The following C1orf50 variants were observed in gnomAD, a reference collection of about 807,000 sequenced individuals.
C1orf50 encodes chromosome 1 open reading frame 50, also known as uncharacterized protein C1orf50.
Under a neutral mutation model 23.3 loss-of-function variants are expected in C1orf50, and 22 were observed. The ratio of observed to expected loss-of-function variants is 0.94; its 90% CI spans 0.67 to 1.35. The LOEUF (loss-of-function observed/expected upper bound fraction) is 1.35. Among genes scored for constraint, C1orf50 ranks in the 40% most tolerant of loss-of-function variants. The pLI, the probability that C1orf50 is intolerant of heterozygous loss-of-function variation, is 0.00. For missense variants in C1orf50, 271 were observed against 249.4 expected (o/e 1.09, Z -0.58); for synonymous variants, 96 against 102.4 (o/e 0.94, Z 0.38).
chr1:42,768,631 C>A (rs1389716002), intron 2 of C1orf50, among the ~76,000 whole-genome samples: 3 of 151,358 alleles, frequency 2.0e-5, no homozygotes, highest in Non-Finnish European at 4.4e-5. Context: ...TGGCTTTCTT[C>A]TTTTTGAAGA....
intron 3 of C1orf50, among the ~76,000 whole-genome samples, 174 bp from the exon 4 acceptor site, chr1:42,774,563 G>T (rs1653294243): frequency 1.3e-5 from 2 of 152,206 alleles, no homozygotes; most frequent in South Asian, 4.1e-4. Flanking sequence ...CAGCATAGCA[G>T]CATAGTCTAA....
chr1:42,767,564 C>T lies in C1orf50; in HGVS notation c.135C>T (p.Tyr45=), dbSNP rs996057033. 3 of 1,610,828 alleles carry T rather than the reference C, an allele frequency of 1.9e-6. No individual in the cohort carries two copies. Among genetic ancestry groups the T allele is most frequent in the African/African-American group, 1.3e-5 (1 of 75,030 alleles). Residue 45 remains tyrosine (Y), a synonymous_variant, in exon 2 of 5, where the codon TAC becomes TAT. Coordinates refer to ENST00000372525, the MANE Select transcript of C1orf50 (RefSeq NM_024097.4). The part of the protein sequence containing the change: ...TPGGLALVSP[Y]HTHRAGDPLD... ...GCGGCCTGGCCCTGGTGAGCCCCTA[C>T]CACACCCACCGGGCCGGGGACCCCT... is the stretch of plus-strand genomic sequence containing the variant.
intron 2 of C1orf50, among the ~76,000 whole-genome samples, chr1:42,770,243 T>G (rs1265541592): frequency 6.6e-6 from 1 of 152,188 alleles, no homozygotes; most frequent in Admixed American, 6.5e-5. Flanking sequence ...TTTTTGGACC[T>G]CAGACTAATC....
At position 42,773,633 on chromosome 1, in the gene C1orf50, A is replaced by G. The variant is rs768663619; in HGVS notation, c.266A>G (p.Gln89Arg). The G allele has an allele frequency of 3.1e-6, 5 of 1,611,246 alleles. No homozygotes were observed. The highest frequency in any genetic ancestry group is 4.2e-6 in the Non-Finnish European group (5 of 1,177,616). Residue 89 changes from glutamine to arginine, a missense_variant, in exon 3 of 5, where the codon CAA becomes CGA. Coordinates refer to ENST00000372525, the MANE Select transcript of C1orf50 (RefSeq NM_024097.4). The part of the protein sequence containing the change: ...TVIAEQIQHL[Q>R]EQARKVLEDA... ...ATAGCTGAGCAAATCCAACATTTGC[A>G]AGAACAAGCCAGGAAGGTAAGGAAT... is the stretch of plus-strand genomic sequence containing the variant.
Position 42,767,292 on chromosome 1 carries a change from G to T in C1orf50, c.-20G>T, listed in dbSNP as rs1267246264. On this transcript the variant is annotated 5_prime_UTR_variant, in exon 1 of 5. Transcript: ENST00000372525. ...TTCCTACTCGCACAGCCCAGGGAGT[G>T]GGGAGGATAAGGCGCTGTCATGGAG... is the stretch of plus-strand genomic sequence containing the variant. 4 of 1,490,828 alleles carry T rather than the reference G, an allele frequency of 2.7e-6. No individual in the cohort carries two copies. The highest frequency in any genetic ancestry group is 3.6e-6 in the Non-Finnish European group (4 of 1,125,588). The allele number at this position is 1,490,828 out of a possible 1,614,324, so 92.3% of individuals were successfully genotyped here.
Position 42,778,623 on chromosome 1 carries a change from G to T in C1orf50, c.*3229G>T, listed in dbSNP as rs1653384744. 6.6e-6 allele frequency: 1 copy of T among 152,170 alleles called. No homozygotes were observed. 9.4% of individuals were successfully genotyped at this position (152,170 alleles called of 1,614,324 possible). On this transcript the variant is annotated 3_prime_UTR_variant, in exon 5 of 5. Transcript: ENST00000372525. ...CCAAAGCAGTCCTGGCAATGAGGAG[G>T]GGTGGAGTGAGATATGTCCTGGCTA... is the stretch of plus-strand genomic sequence containing the variant.
In C1orf50 at chr1:42,775,420, A is replaced by G. The variant is rs1281577362; in HGVS notation, c.*26A>G. The G allele has an allele frequency of 6.4e-7, 1 of 1,550,970 alleles. No individual in the cohort carries two copies. Among genetic ancestry groups the G allele is most frequent in the East Asian group, 2.3e-5 (1 of 43,764 alleles). On this transcript the variant is annotated 3_prime_UTR_variant, in exon 5 of 5. Coordinates refer to ENST00000372525, the MANE Select transcript of C1orf50 (RefSeq NM_024097.4). ...GAGTGGGCTTTGACAAACAGCTCTC[A>G]CAGGACCTGGCTGTCAACCTCCTTG... is the stretch of plus-strand genomic sequence containing the variant.
At chr1:42,773,727 G>T (rs1653272668) in intron 3 of C1orf50, 78 bp downstream of exon 3, 3 of 918,060 alleles carry the variant, frequency 3.3e-6, no homozygotes, top group African/African-American at 1.7e-5. Flanking sequence ...TATAATCGTT[G>T]TGACTTTTTA....
At chr1:42,768,930 T>G (rs4660665) in intron 2 of C1orf50, among the ~76,000 whole-genome samples, 49 of 152,156 alleles carry the variant, frequency 3.2e-4, no homozygotes, top group Admixed American at 2.2e-3. Flanking sequence ...AAAAAAACTT[T>G]AGAGACAAAC....
rs777243182 is a variant in C1orf50, at chr1:42,775,439, C to T, written c.*45C>T. Reference sequence around the variant, plus strand: ...GCTCTCACAGGACCTGGCTGTCAACCTCCTTGTTGCCCCCACTGTTGCCTT... The same window carrying T: ...GCTCTCACAGGACCTGGCTGTCAACTTCCTTGTTGCCCCCACTGTTGCCTT... On this transcript the variant is annotated 3_prime_UTR_variant, in exon 5 of 5. Coordinates refer to ENST00000372525, the MANE Select transcript of C1orf50 (RefSeq NM_024097.4). 1 of 1,502,470 alleles carries T rather than the reference C, an allele frequency of 6.7e-7. No individual in the cohort carries two copies. Among genetic ancestry groups the T allele is most frequent in the Non-Finnish European group, 9.1e-7 (1 of 1,103,482 alleles). 93.1% of individuals were successfully genotyped at this position (1,502,470 alleles called of 1,614,324 possible).
In C1orf50 at chr1:42,775,384, T is replaced by C. The variant is rs751407785; in HGVS notation, c.590T>C (p.Leu197Pro). Reference sequence around the variant, plus strand: ...TGCACTGAACCCAACTTCCAGGGACTGACTCACTGAGAGTGGGCTTTGACA... The same window carrying C: ...TGCACTGAACCCAACTTCCAGGGACCGACTCACTGAGAGTGGGCTTTGACA... ...PPCTEPNFQG[L>P]TH Residue 197 changes from leucine to proline, a missense_variant, in exon 5 of 5, where the codon CTG becomes CCG. Physicochemically the swap from Leu to Pro is moderately conservative, Grantham distance 98. Transcript: ENST00000372525. 17 of 1,585,762 alleles carry C rather than the reference T, an allele frequency of 1.1e-5. No individual in the cohort carries two copies. The African/African-American group carries it at 2.0e-4, about 19-fold the overall frequency.
At chr1:42,773,386 A>G (rs760178785) in intron 2 of C1orf50, 177 bp from the exon 3 acceptor site, 2 of 492,484 alleles carry the variant, frequency 4.1e-6, no homozygotes, top group Non-Finnish European at 7.5e-6. Context: ...TGGCCTTCTC[A>G]TGACAGTGCT....
At chr1:42,768,428 C>G (rs772515894) in intron 2 of C1orf50, among the ~76,000 whole-genome samples, 1 of 152,204 alleles carries the variant, frequency 6.6e-6, no homozygotes, top group Non-Finnish European at 1.5e-5. Flanking sequence ...ATCATGGCCC[C>G]TTATCCCTGT....
chr1:42,774,668 G>C, intron 3 of C1orf50, 69 bp from the exon 4 acceptor site: 1 of 1,515,090 alleles, frequency 6.6e-7, no homozygotes, highest in Non-Finnish European at 8.9e-7. Context: ...AATTTTAATT[G>C]GGATGATCAC....
Position 42,774,749 on chromosome 1 carries a change from G to A in C1orf50, c.295G>A (p.Ala99Thr). ...QEQARKVLEDAHRDANLHHVA... is the reference protein window; with the variant it reads ...QEQARKVLEDTHRDANLHHVA... ...CTGTGATTCATAGGTACTGGAAGAT[G>A]CTCACAGAGATGCCAACCTGCACCA... The change falls in exon 4 of 5, where the codon GCT becomes ACT. Residue 99 changes from alanine (A) to threonine (T), a missense_variant. Ala to Thr is a moderately conservative substitution (Grantham distance 58). Transcript: ENST00000372525. 2 of 1,611,632 alleles carry A rather than the reference G, an allele frequency of 1.2e-6. No individual in the cohort carries two copies. Among genetic ancestry groups the A allele is most frequent in the Non-Finnish European group, 1.7e-6 (2 of 1,178,106 alleles).
chr1:42,767,557 GC>G lies in C1orf50; in HGVS notation c.132del (p.Tyr45ThrfsTer10). On this transcript the variant is annotated frameshift_variant, in exon 2 of 5. Transcript: ENST00000372525. LOFTEE classifies it high-confidence loss of function. The stretch of plus-strand genomic sequence containing the variant: ...ACCCCCGGCGGCCTGGCCCTGGTGA[GC>G]CCCTACCACACCCACCGGGCCGGGG... ...TPTPGGLALV[S>X]PYHTHRAGDP... 6.2e-7 allele frequency: 1 copy of G among 1,609,178 alleles called. No individual in the cohort carries two copies. Among genetic ancestry groups the G allele is most frequent in the East Asian group, 2.2e-5 (1 of 44,788 alleles).
At chr1:42,767,933 G>A (rs1473197176) in intron 2 of C1orf50, among the ~76,000 whole-genome samples, 9 of 152,204 alleles carry the variant, frequency 5.9e-5, no homozygotes, top group Admixed American at 5.2e-4. Context: ...GCAGTACAGA[G>A]TTATTCTTCC....
intron 2 of C1orf50, among the ~76,000 whole-genome samples, chr1:42,770,682 A>G (rs942577563): frequency 3.3e-5 from 5 of 152,230 alleles, no homozygotes; most frequent in South Asian, 4.1e-4. Context: ...TCCATCCGCT[A>G]CGGCCTCCCA....
chr1:42,774,679 CA>C (rs2124192512), intron 3 of C1orf50, 57 bp from the exon 4 acceptor site: 1 of 1,544,602 alleles, frequency 6.5e-7, no homozygotes, highest in African/African-American at 1.4e-5. Context: ...GGATGATCAC[CA>C]AATGTGGGTG....
Sources: allele counts gnomAD v4.1 joint callset (sites outside exome capture counted in the v4.1 genomes callset), GRCh38; gene constraint gnomAD v4.1.1; transcripts MANE v1.5; gene names NCBI Gene and HGNC (gene_info 2026-07-23, HGNC 2026-07-21).